SMG1: variants seen among roughly 807,000 people sequenced by gnomAD.
The protein encoded by SMG1 is SMG1 nonsense mediated mRNA decay associated PI3K related kinase.
A neutral mutation model predicts 419.9 loss-of-function variants in SMG1; 22 were observed. That is an observed-to-expected ratio of 0.05 (90% CI 0.04 to 0.07). The LOEUF (loss-of-function observed/expected upper bound fraction) is 0.07. Ranked by LOEUF, SMG1 falls within the 10% of genes least tolerant of loss-of-function variation. SMG1 has a pLI of 1.00. For missense variants in SMG1, 3,185 were observed against 4,342.0 expected (o/e 0.73, Z 7.49); for synonymous variants, 1,538 against 1,553.5 (o/e 0.99, Z 0.23).
Position 18,834,895 on chromosome 16 carries a change from G to A in SMG1, c.8327C>T (p.Thr2776Ile), listed in dbSNP as rs780522672. ...SVIISALCTLTRRNLMMEGAA... is the reference protein window; with the variant it reads ...SVIISALCTLIRRNLMMEGAA... ...AATATGAAGTTGGCTAACTTACCTT[G>A]TAAGGGTACAAAGGGCAGAAATAAT... Residue 2776 changes from threonine to isoleucine, a missense_variant, in exon 49 of 63, where the codon ACA becomes ATA. Thr to Ile is a moderately conservative substitution (Grantham distance 89). This residue lies in a region of SMG1 where 412 missense variants were observed against 546.6 expected (regional missense o/e 0.75). Coordinates refer to ENST00000446231, the MANE Select transcript of SMG1 (RefSeq NM_015092.5). 4.3e-6 allele frequency: 7 copies of A among 1,612,556 alleles called. No individual in the cohort carries two copies. In the South Asian group the frequency reaches 6.6e-5, roughly 15 times the overall value.
chr16:18,827,123 AG>A (rs2032740930), intron 55 of SMG1, among the ~76,000 whole-genome samples: 1 of 151,998 alleles, frequency 6.6e-6, no homozygotes, highest in South Asian at 2.1e-4. Flanking sequence ...GTTACCTTGG[AG>A]GGTAAGAAAT....
chr16:18,835,721 T>C (rs1596487689), intron 48 of SMG1, among the ~76,000 whole-genome samples: 2 of 152,014 alleles, frequency 1.3e-5, no homozygotes, highest in African/African-American at 2.4e-5. Flanking sequence ...CTGGCCAATA[T>C]AGTGAAACCC....
At chr16:18,842,544 G>A in intron 39 of SMG1, 90 bp from the exon 40 acceptor site, 1 of 1,333,112 alleles carries the variant, frequency 7.5e-7, no homozygotes, top group Non-Finnish European at 1.0e-6. Flanking sequence ...GTAAATTTTA[G>A]GTCACGGCGG....
At chr16:18,874,866 CAAAAAAAA>C (rs148468415) in intron 13 of SMG1, among the ~76,000 whole-genome samples, 10 of 49,662 alleles carry the variant, frequency 2.0e-4, no homozygotes, top group African/African-American at 5.7e-4. Context: ...GACTCTGTCT[CAAAAAAAA>C]AAAAAAAAAA....
Position 18,925,953 on chromosome 16 carries a change from G to A in SMG1, c.89C>T (p.Pro30Leu). The A allele has an allele frequency of 1.9e-6, 3 of 1,560,436 alleles. No individual in the cohort carries two copies. Among genetic ancestry groups the A allele is most frequent in the South Asian group, 2.3e-5 (2 of 85,620 alleles). ...KYPRSWNDWQ[P>L]RTDSASADPD... Reference sequence around the variant, plus strand: ...GGGTCCCGGGCCGGTCACCCACCTGGGTTGCCAGTCATTCCAGCTCCGCGG... The same window carrying A: ...GGGTCCCGGGCCGGTCACCCACCTGAGTTGCCAGTCATTCCAGCTCCGCGG... The change falls in exon 1 of 63, where the codon CCC becomes CTC. Residue 30 changes from proline (P) to leucine (L), a missense_variant. Physicochemically the swap from Pro to Leu is moderately conservative, Grantham distance 98. This residue lies in a region of SMG1 where 88 missense variants were observed against 85.9 expected (regional missense o/e 1.02). Coordinates refer to ENST00000446231, the MANE Select transcript of SMG1 (RefSeq NM_015092.5).
At chr16:18,879,099 T>C (rs905418549) in intron 11 of SMG1, 1 of 280,916 alleles carries the variant, frequency 3.6e-6, no homozygotes, top group South Asian at 3.7e-5. Context: ...GAAAATAATA[T>C]AATAAAGCAA....
chr16:18,893,270 T>G (rs1474926128), intron 3 of SMG1, among the ~76,000 whole-genome samples: 3 of 152,228 alleles, frequency 2.0e-5, no homozygotes, highest in African/African-American at 7.2e-5. Flanking sequence ...CCTTATTTTT[T>G]AATCACAAGA....
chr16:18,907,884 G>C (rs2037633490), intron 1 of SMG1, among the ~76,000 whole-genome samples: 1 of 143,532 alleles, frequency 7.0e-6, no homozygotes, highest in Admixed American at 7.0e-5. Flanking sequence ...CCCTACTTCA[G>C]CTCTCAATTG....
intron 1 of SMG1, among the ~76,000 whole-genome samples, chr16:18,920,335 T>C (rs927164141): frequency 2.7e-5 from 4 of 149,670 alleles, no homozygotes; most frequent in African/African-American, 4.9e-5. Flanking sequence ...TGAGCCGAGA[T>C]TGCACCATTG....
chr16:18,841,534 A>G (rs2033927197), intron 41 of SMG1, 31 bp downstream of exon 41: 1 of 1,575,468 alleles, frequency 6.3e-7, no homozygotes. Flanking sequence ...CAGAGAATAG[A>G]CTAATACACT....
intron 54 of SMG1, 31 bp downstream of exon 54, chr16:18,829,255 G>A (rs867677731): frequency 1.1e-5 from 17 of 1,555,068 alleles, no homozygotes; most frequent in Non-Finnish European, 1.5e-5. Flanking sequence ...CCTACCTTGA[G>A]GAAAAACACA....
rs371501755 is a variant in SMG1, at chr16:18,819,658, T to C, written c.9742-4A>G. ...ATTCAAGTGCAGCTAGCTTCTCCTA[T>C]AAAAGCCAGCAGAATCTTGGTGAAG... On this transcript the variant is annotated splice_region_variant and splice_polypyrimidine_tract_variant and intron_variant, in intron 55 of 62. Coordinates refer to ENST00000446231, the MANE Select transcript of SMG1 (RefSeq NM_015092.5). 3.9e-6 allele frequency: 6 copies of C among 1,550,626 alleles called. No homozygotes were observed. Among genetic ancestry groups the C allele is most frequent in the South Asian group, 1.2e-5 (1 of 82,162 alleles).
At chr16:18,831,143 T>A (rs1223805966) in intron 51 of SMG1, among the ~76,000 whole-genome samples, 2 of 152,182 alleles carry the variant, frequency 1.3e-5, no homozygotes, top group Non-Finnish European at 2.9e-5. Flanking sequence ...ACCCCTCACA[T>A]TACCATTAAG....
chr16:18,837,752 C>A (rs925366887), intron 45 of SMG1, among the ~76,000 whole-genome samples: 1 of 152,192 alleles, frequency 6.6e-6, no homozygotes, highest in South Asian at 2.1e-4. Context: ...CACTGGTAAA[C>A]ACATTTCAAT....
chr16:18,810,561 A>T (rs190652805), intron 62 of SMG1, among the ~76,000 whole-genome samples: 61 of 152,272 alleles, frequency 4.0e-4, no homozygotes, highest in Admixed American at 3.7e-3. Flanking sequence ...AGACTTATGG[A>T]TTTATTGGGA....
intron 39 of SMG1, among the ~76,000 whole-genome samples, chr16:18,843,240 T>C (rs1463625458): frequency 1.3e-5 from 2 of 152,218 alleles, no homozygotes; most frequent in Non-Finnish European, 2.9e-5. Context: ...TCTACTCTTA[T>C]CAAACTGGAG....
At chr16:18,812,983 T>G (rs1000167204) in intron 60 of SMG1, among the ~76,000 whole-genome samples, 4 of 152,162 alleles carry the variant, frequency 2.6e-5, no homozygotes, top group Non-Finnish European at 4.4e-5. Context: ...TCCATGTCCC[T>G]ACAAAGGACA....
At chr16:18,867,741 C>T (rs1283518876) in intron 22 of SMG1, among the ~76,000 whole-genome samples, 1 of 115,876 alleles carries the variant, frequency 8.6e-6, no homozygotes, top group Non-Finnish European at 1.6e-5. Flanking sequence ...CGGAGTCTTG[C>T]TCTGTCGCCC....
At chr16:18,905,464 C>G (rs1232458578) in intron 1 of SMG1, among the ~76,000 whole-genome samples, 1 of 152,092 alleles carries the variant, frequency 6.6e-6, no homozygotes, top group African/African-American at 2.4e-5. Context: ...CACTCAAGAC[C>G]TTCTTGGCTC....
Sources: allele counts gnomAD v4.1 joint callset (sites outside exome capture counted in the v4.1 genomes callset), GRCh38; gene constraint gnomAD v4.1.1; regional missense constraint gnomAD v4.1.1; transcripts MANE v1.5; gene names NCBI Gene and HGNC (gene_info 2026-07-23, HGNC 2026-07-21).